Variants in CTNNA2 observed in about 807,000 individuals in gnomAD.
CTNNA2 encodes catenin alpha 2, also known as catenin alpha-2.
A neutral mutation model predicts 101.0 loss-of-function variants in CTNNA2; 42 were observed. The observed-to-expected ratio is 0.42, with a 90% CI of 0.32 to 0.54. The LOEUF (loss-of-function observed/expected upper bound fraction) is 0.54, where lower values mean the gene tolerates loss of function less well. CTNNA2 is among the 20% of genes least tolerant of loss of function. The pLI, the probability that CTNNA2 is intolerant of heterozygous loss-of-function variation, is 0.14. For synonymous variants in CTNNA2, 450 were observed against 456.4 expected, an observed-to-expected ratio of 0.99 and a Z score of 0.18; for missense variants, 871 against 1,223.1, an observed-to-expected ratio of 0.71 and a Z score of 4.29.
chr2:80,110,782 G>A (rs1374280655), intron 7 of CTNNA2, among the ~76,000 whole-genome samples: 1 of 152,162 alleles, frequency 6.6e-6, no homozygotes, highest in African/African-American at 2.4e-5. Context: ...GGAACTTGGT[G>A]GATATTAACT....
intron 7 of CTNNA2, among the ~76,000 whole-genome samples, chr2:80,340,460 G>A (rs568752547): frequency 3.3e-5 from 5 of 152,268 alleles, no homozygotes; most frequent in South Asian, 2.1e-4. Flanking sequence ...AGGTTTTGAC[G>A]TTCATAATTT....
At chr2:80,280,332 C>G (rs1395563791) in intron 7 of CTNNA2, among the ~76,000 whole-genome samples, 1 of 150,448 alleles carries the variant, frequency 6.6e-6, no homozygotes, top group Non-Finnish European at 1.5e-5. Flanking sequence ...GACTGTTGAC[C>G]CACTTCCCTG....
At chr2:80,186,765 T>A (rs1706156997) in intron 7 of CTNNA2, among the ~76,000 whole-genome samples, 1 of 152,248 alleles carries the variant, frequency 6.6e-6, no homozygotes, top group Admixed American at 6.5e-5. Context: ...TGTGTCTACA[T>A]CTATGTTTAT....
chr2:79,356,418 A>G (rs537130775), intron 3 of CTNNA2, among the ~76,000 whole-genome samples: 24 of 152,276 alleles, frequency 1.6e-4, no homozygotes, highest in African/African-American at 5.8e-4. Flanking sequence ...TGCTTTCTTG[A>G]TAGTGCCCTT....
chr2:80,593,347 TTTTG>T (rs1171522008), intron 15 of CTNNA2, among the ~76,000 whole-genome samples: 6 of 152,168 alleles, frequency 3.9e-5, no homozygotes, highest in South Asian at 2.1e-4. Context: ...TCTTTTGTTT[TTTTG>T]TTTGTTTGTT....
chr2:79,614,412 A>C (rs1045726073), intron 1 of CTNNA2, among the ~76,000 whole-genome samples: 1 of 152,092 alleles, frequency 6.6e-6, no homozygotes, highest in Admixed American at 6.5e-5. Flanking sequence ...TACCTGCAAT[A>C]ATTTTTCCTA....
At chr2:79,844,987 C>CACACACACAG (rs1442270575) in intron 3 of CTNNA2, among the ~76,000 whole-genome samples, 1 of 151,284 alleles carries the variant, frequency 6.6e-6, no homozygotes, top group Non-Finnish European at 1.5e-5. Flanking sequence ...ACTACACACA[C>CACACACACAG]ACACACACAC....
At chr2:79,209,891 C>A (rs368156078) in intron 2 of CTNNA2, among the ~76,000 whole-genome samples, 8 of 152,178 alleles carry the variant, frequency 5.3e-5, no homozygotes, top group African/African-American at 1.9e-4. Flanking sequence ...TATTAAAATG[C>A]CCTACCTAGC....
At chr2:79,775,246 TG>T (rs1178750715) in intron 3 of CTNNA2, among the ~76,000 whole-genome samples, 1 of 152,218 alleles carries the variant, frequency 6.6e-6, no homozygotes, top group East Asian at 1.9e-4. Context: ...GCATTTTGGT[TG>T]TAGAGGATAC....
chr2:80,150,179 T>A (rs1040801671), intron 7 of CTNNA2, among the ~76,000 whole-genome samples: 3 of 152,140 alleles, frequency 2.0e-5, no homozygotes, highest in Admixed American at 1.3e-4. Context: ...GTGCTTTCAT[T>A]TGGATTTTAC....
chr2:80,444,646 A>G (rs904726373), intron 9 of CTNNA2, among the ~76,000 whole-genome samples: 1 of 152,196 alleles, frequency 6.6e-6, no homozygotes, highest in Non-Finnish European at 1.5e-5. Flanking sequence ...AATAAGGTTT[A>G]GATGAGGTCA....
chr2:79,810,977 G>A (rs530694909), intron 3 of CTNNA2, among the ~76,000 whole-genome samples: 19 of 151,174 alleles, frequency 1.3e-4, no homozygotes, highest in East Asian at 9.7e-4. Context: ...GAATAGTGCC[G>A]CAATAAACAT....
intron 3 of CTNNA2, among the ~76,000 whole-genome samples, chr2:79,355,663 T>C (rs1206492121): frequency 6.6e-6 from 1 of 152,208 alleles, no homozygotes; most frequent in African/African-American, 2.4e-5. Context: ...GATTTACCTA[T>C]TTTGAATATA....
Position 79,788,807 on chromosome 2 carries a change from G to C in CTNNA2, c.298+44225G>C, listed in dbSNP as rs542407120. 3.4e-4 allele frequency among the ~76,000 whole-genome samples: 51 copies of C among 152,230 alleles called. 1 individual carries two copies. In the East Asian group the frequency reaches 9.3e-3, roughly 28 times the overall value. ...ATTGCTTCCATTTCAGTCTGTGCAGGCTCAAGCTCATTTTATAATTTTGCT... is the reference window on the plus strand; with the variant it reads ...ATTGCTTCCATTTCAGTCTGTGCAGCCTCAAGCTCATTTTATAATTTTGCT... On this transcript the variant is annotated intron_variant, in intron 3 of 18. Coordinates refer to ENST00000402739, the MANE Select transcript of CTNNA2 (RefSeq NM_001282597.3).
At chr2:80,614,142 G>A (rs1698668470) in intron 17 of CTNNA2, among the ~76,000 whole-genome samples, 1 of 151,428 alleles carries the variant, frequency 6.6e-6, no homozygotes, top group African/African-American at 2.4e-5. Flanking sequence ...TAGCCAATTA[G>A]CAGTAATACT....
At chr2:79,373,502 A>G (rs959919392) in intron 3 of CTNNA2, among the ~76,000 whole-genome samples, 1 of 152,174 alleles carries the variant, frequency 6.6e-6, no homozygotes, top group Non-Finnish European at 1.5e-5. Flanking sequence ...AATTGATGCC[A>G]TCATTATCAG....
At chr2:79,302,118 G>GTAAATAAA (rs200230820) in intron 2 of CTNNA2, among the ~76,000 whole-genome samples, 7 of 149,946 alleles carry the variant, frequency 4.7e-5, no homozygotes, top group Non-Finnish European at 7.5e-5. Flanking sequence ...AAATAAATAA[G>GTAAATAAA]TAAATAAATA....
intron 2 of CTNNA2, among the ~76,000 whole-genome samples, chr2:79,286,203 T>C (rs1260180541): frequency 6.6e-6 from 1 of 152,182 alleles, no homozygotes; most frequent in Admixed American, 6.5e-5. Flanking sequence ...CTTGACTCTT[T>C]ATCCAATTTG....
At chr2:79,719,143 T>C (rs1686310194) in intron 2 of CTNNA2, among the ~76,000 whole-genome samples, 1 of 152,160 alleles carries the variant, frequency 6.6e-6, no homozygotes, top group Non-Finnish European at 1.5e-5. Context: ...ACATGCAGTA[T>C]TTGGTTAATT....
Sources: gnomAD v4.1 joint callset for allele counts (sites outside exome capture counted in the v4.1 genomes callset) on GRCh38, gnomAD v4.1.1 for gene constraint, MANE v1.5 for transcripts, NCBI Gene and HGNC (gene_info 2026-07-23, HGNC 2026-07-21) for gene names.